ADGRG1: variants seen among roughly 807,000 people sequenced by gnomAD.
The protein encoded by ADGRG1 is adhesion G protein-coupled receptor G1, also known as 7-transmembrane protein with no EGF-like N-terminal domains-1.
A neutral mutation model predicts 73.5 loss-of-function variants in ADGRG1; 53 were observed. The ratio of observed to expected loss-of-function variants is 0.72; its 90% CI spans 0.58 to 0.91. The LOEUF is 0.91. Ranked by LOEUF, ADGRG1 falls within the 40% of genes least tolerant of loss-of-function variation. The pLI is 0.00. For missense variants in ADGRG1, 795 were observed against 871.8 expected (o/e 0.91, Z 1.11); for synonymous variants, 394 against 374.4 (o/e 1.05, Z -0.60).
At chr16:57,644,907 A>T (rs1597355827) in intron 1 of ADGRG1, among the ~76,000 whole-genome samples, 2 of 135,236 alleles carry the variant, frequency 1.5e-5, no homozygotes, top group East Asian at 2.3e-4. Context: ...CACACTCATC[A>T]CTTCATAACT....
At chr16:57,654,192 G>C in intron 5 of ADGRG1, 59 bp downstream of exon 5, 1 of 1,552,954 alleles carries the variant, frequency 6.4e-7, no homozygotes. Flanking sequence ...AGATGGAGGT[G>C]GGGGCTGTGA....
upstream of ADGRG1, chr16:57,624,745 T>C (rs1162573136): frequency 1.3e-5 from 13 of 981,308 alleles, no homozygotes; most frequent in African/African-American, 7.0e-5. Flanking sequence ...CCCTTATCCC[T>C]GTCCTGAGGC....
rs2048023865 is a variant in ADGRG1 at position 57,665,399 on chromosome 16, G to C, written c.*1817G>C. 4 of 152,218 alleles carry C rather than the reference G, an allele frequency of 2.6e-5. No individual in the cohort carries two copies. Among genetic ancestry groups the C allele is most frequent in the Admixed American group, 2.6e-4 (4 of 15,286 alleles). The allele number at this position is 152,218 out of a possible 1,614,324, so 9.4% of individuals were successfully genotyped here. On this transcript the variant is annotated 3_prime_UTR_variant, in exon 14 of 14. Coordinates refer to ENST00000562631, the MANE Select transcript of ADGRG1 (RefSeq NM_201525.4). ...CCTTTTATGAGAAATGGGAAATCCA[G>C]ACTGTGGTTTGACATCCCCTGATTT...
At chr16:57,646,895 C>T (rs1054355615) in intron 1 of ADGRG1, 1 of 983,034 alleles carries the variant, frequency 1.0e-6, no homozygotes, top group Non-Finnish European at 1.2e-6. Flanking sequence ...CAGCCACTCC[C>T]TCTGGCTCTG....
At position 57,663,740 on chromosome 16, in the gene ADGRG1, TC is replaced by T; in HGVS notation, c.*161del. On this transcript the variant is annotated 3_prime_UTR_variant, in exon 14 of 14. Transcript: ENST00000562631. The stretch of plus-strand genomic sequence containing the variant: ...TGGGCCGTTGCCATGGTGGACGGAC[TC>T]CCGGGCTGGGCTTTTGAATTGGCCT... The T allele has an allele frequency of 3.7e-6, 3 of 802,008 alleles. No individual in the cohort carries two copies. In the South Asian group the frequency reaches 4.8e-5, roughly 13 times the overall value. 49.7% of individuals were successfully genotyped at this position (802,008 alleles called of 1,614,324 possible).
intron 1 of ADGRG1, chr16:57,629,528 C>A: frequency 6.6e-6 from 1 of 152,406 alleles, no homozygotes; most frequent in Non-Finnish European, 1.5e-5. Context: ...TGAGGGAACT[C>A]CTGAGGACAG....
At chr16:57,644,179 T>C in intron 1 of ADGRG1, 2 of 985,230 alleles carry the variant, frequency 2.0e-6, no homozygotes, top group Non-Finnish European at 2.4e-6. Flanking sequence ...TCTTGCTTTC[T>C]CCTCCTGGCC....
At chr16:57,645,091 C>T in intron 1 of ADGRG1, 5 of 985,416 alleles carry the variant, frequency 5.1e-6, no homozygotes, top group South Asian at 4.7e-5. Context: ...CTGTGTAACT[C>T]GCAGGAGTTC....
intron 1 of ADGRG1, chr16:57,636,239 G>A (rs2147517283): frequency 1.7e-5 from 17 of 985,294 alleles, no homozygotes; most frequent in Non-Finnish European, 2.0e-5. Context: ...TTGCTTTAAT[G>A]TAGAGAGAAA....
At chr16:57,628,180 C>T (rs1597008736), upstream of ADGRG1, 6 of 985,386 alleles carry the variant, frequency 6.1e-6, no homozygotes, top group Non-Finnish European at 7.2e-6. Flanking sequence ...TCAGCACTGG[C>T]TCCCGTCGGC....
chr16:57,619,857 G>A (rs1241647439), upstream of ADGRG1: 1 of 152,408 alleles, frequency 6.6e-6, no homozygotes, highest in Non-Finnish European at 1.5e-5. Context: ...CTTCCCAGGA[G>A]AGAGGTGCTG....
At position 57,630,971 on chromosome 16, in the gene ADGRG1, G is replaced by T. The variant is rs186538700; in HGVS notation, c.-36+2169G>T. 9.7e-3 allele frequency: 9,556 copies of T among 985,412 alleles called. 73 individuals carry two copies. Among genetic ancestry groups the T allele is most frequent in the Middle Eastern group, 0.03 (57 of 1,916 alleles). The allele number at this position is 985,412 out of a possible 1,614,324, so 61.0% of individuals were successfully genotyped here. A position where few individuals can be genotyped will look rare whatever the true frequency, so the allele number is the denominator to read the frequency against. On this transcript the variant is annotated intron_variant, in intron 1 of 13. Transcript: ENST00000562631. ...GCCAGCAGGTCTCAATCTGCTCTGT[G>T]GGGGGGAAGAGAGGCAGGAGGACTC... is the stretch of plus-strand genomic sequence containing the variant.
chr16:57,622,352 C>T (rs759724556), intron 2 of ADGRG1, among the ~76,000 whole-genome samples: 14 of 152,054 alleles, frequency 9.2e-5, no homozygotes, highest in Non-Finnish European at 4.4e-5. Flanking sequence ...GAGTGATGGG[C>T]AGTTTTGAGC....
intron 1 of ADGRG1, chr16:57,640,906 C>A (rs769137413): frequency 1.1e-5 from 11 of 985,426 alleles, no homozygotes; most frequent in African/African-American, 1.7e-5. Context: ...ACTGGGCTGA[C>A]CTTGCGGGCC....
At chr16:57,625,300 C>T (rs1187604176), upstream of ADGRG1, among the ~76,000 whole-genome samples, 9 of 152,172 alleles carry the variant, frequency 5.9e-5, no homozygotes, top group Non-Finnish European at 1.3e-4. Flanking sequence ...CACAGAGCTG[C>T]CCCCATTCCA....
At chr16:57,640,764 G>A in intron 1 of ADGRG1, 1 of 389,218 alleles carries the variant, frequency 2.6e-6, no homozygotes, top group South Asian at 1.1e-4. Flanking sequence ...AGTGATCCAG[G>A]ACCTCGAGGA....
chr16:57,648,009 G>A (rs2043112269), intron 1 of ADGRG1: 1 of 152,814 alleles, frequency 6.5e-6, no homozygotes, highest in Non-Finnish European at 1.5e-5. Context: ...AGGTCAGTAA[G>A]CCAGGGAGAT....
rs1482525267 is a variant in ADGRG1 at position 57,631,014 on chromosome 16, T to C, written c.-36+2212T>C. The C allele has an allele frequency of 3.0e-6, 3 of 985,794 alleles. No homozygotes were observed. In the East Asian group the frequency reaches 3.4e-4, roughly 112 times the overall value. 61.1% of individuals were successfully genotyped at this position (985,794 alleles called of 1,614,324 possible). A position where few individuals can be genotyped will look rare whatever the true frequency, so the allele number is the denominator to read the frequency against. On this transcript the variant is annotated intron_variant, in intron 1 of 13. Coordinates refer to ENST00000562631, the MANE Select transcript of ADGRG1 (RefSeq NM_201525.4). ...GAGGACTCGCCAGGCAGGTGCTGTGTGGGGCTGGGGGCCCAGGCTGCAAAC... is the reference window on the plus strand; with the variant it reads ...GAGGACTCGCCAGGCAGGTGCTGTGCGGGGCTGGGGGCCCAGGCTGCAAAC...
At chr16:57,627,766 G>C (rs2036133652), upstream of ADGRG1, 2 of 984,324 alleles carry the variant, frequency 2.0e-6, no homozygotes. Flanking sequence ...TCTGCAGGGA[G>C]TGTGAGTTAT....
Sources: allele counts gnomAD v4.1 joint callset (sites outside exome capture counted in the v4.1 genomes callset), GRCh38; gene constraint gnomAD v4.1.1; transcripts MANE v1.5; gene names NCBI Gene and HGNC (gene_info 2026-07-23, HGNC 2026-07-21).